The following MYO3A variants were observed in gnomAD, a reference collection of about 807,000 sequenced individuals.
The protein encoded by MYO3A is myosin-IIIa.
MYO3A carries 180 observed loss-of-function variants against 192.7 expected under a neutral mutation model. The ratio of observed to expected loss-of-function variants is 0.93; its 90% CI spans 0.83 to 1.06. The LOEUF (loss-of-function observed/expected upper bound fraction) is 1.06, where lower values mean the gene tolerates loss of function less well. Among genes scored for constraint, MYO3A ranks in the 50% least tolerant of loss-of-function variants. The pLI is 0.00. For missense variants in MYO3A, 1,896 were observed against 1,905.0 expected (o/e 1.00, Z 0.09); for synonymous variants, 628 against 645.3 (o/e 0.97, Z 0.41).
intron 32 of MYO3A, among the ~76,000 whole-genome samples, chr10:26,199,999 TCC>T (rs1843610363): frequency 1.3e-5 from 2 of 152,182 alleles, no homozygotes; most frequent in African/African-American, 4.8e-5. Context: ...TGGCCACTGT[TCC>T]TATGCAGGCA....
chr10:26,208,753 C>T (rs1016870810), intron 34 of MYO3A, among the ~76,000 whole-genome samples: 3 of 152,080 alleles, frequency 2.0e-5, no homozygotes, highest in African/African-American at 7.2e-5. Context: ...TTTTCTTTTC[C>T]TTTTAATTCC....
chr10:26,145,200 C>T (rs1365487492), intron 21 of MYO3A, among the ~76,000 whole-genome samples: 1 of 149,578 alleles, frequency 6.7e-6, no homozygotes, highest in African/African-American at 2.5e-5. Flanking sequence ...AAAAAAAAAC[C>T]CTCAAGGTGA....
intron 10 of MYO3A, among the ~76,000 whole-genome samples, chr10:26,063,658 G>A (rs1834641315): frequency 6.6e-6 from 1 of 152,214 alleles, no homozygotes; most frequent in Admixed American, 6.5e-5. Flanking sequence ...CCTAAAGGAT[G>A]TGTAGAATTG....
chr10:25,949,353 G>T (rs571040160), intron 2 of MYO3A, among the ~76,000 whole-genome samples: 2 of 152,182 alleles, frequency 1.3e-5, no homozygotes, highest in Admixed American at 1.3e-4. Context: ...CTGCTTGAAA[G>T]GCAGTATTCC....
At chr10:26,071,902 C>A (rs56011042) in intron 14 of MYO3A, among the ~76,000 whole-genome samples, 1 of 151,754 alleles carries the variant, frequency 6.6e-6, no homozygotes, top group Non-Finnish European at 1.5e-5. Flanking sequence ...TGTATTACTC[C>A]ATTCTCACAC....
intron 32 of MYO3A, among the ~76,000 whole-genome samples, chr10:26,193,634 G>A (rs949344476): frequency 6.6e-6 from 1 of 152,210 alleles, no homozygotes; most frequent in Non-Finnish European, 1.5e-5. Flanking sequence ...TCTCCAGAGA[G>A]GGGCCCTGGT....
intron 4 of MYO3A, among the ~76,000 whole-genome samples, chr10:25,967,737 A>C (rs1479753914): frequency 2.0e-5 from 3 of 152,234 alleles, no homozygotes; most frequent in Non-Finnish European, 4.4e-5. Flanking sequence ...ATGTTGAAAG[A>C]AATGGAATAT....
intron 17 of MYO3A, among the ~76,000 whole-genome samples, chr10:26,098,151 A>G (rs1277294115): frequency 6.6e-6 from 1 of 152,118 alleles, no homozygotes; most frequent in Admixed American, 6.5e-5. Context: ...TTTGATTTGC[A>G]TTTCTCTGAT....
intron 17 of MYO3A, among the ~76,000 whole-genome samples, chr10:26,109,818 C>T (rs997790386): frequency 6.6e-6 from 1 of 152,190 alleles, no homozygotes; most frequent in Admixed American, 6.5e-5. Context: ...AACATTGCTA[C>T]TCTGTTTCTA....
intron 3 of MYO3A, 96 bp downstream of exon 3, chr10:25,952,374 C>T: frequency 8.0e-7 from 1 of 1,255,754 alleles, no homozygotes. Flanking sequence ...ATCACAATAG[C>T]AGTCTAAAAC....
chr10:25,991,045 G>A (rs941291897), intron 4 of MYO3A, among the ~76,000 whole-genome samples: 1 of 152,130 alleles, frequency 6.6e-6, no homozygotes, highest in Non-Finnish European at 1.5e-5. Flanking sequence ...GGATGGCTGG[G>A]TCAAATGGTA....
At chr10:26,097,162 A>G (rs1318906237) in intron 17 of MYO3A, among the ~76,000 whole-genome samples, 3 of 152,016 alleles carry the variant, frequency 2.0e-5, no homozygotes, top group African/African-American at 7.2e-5. Context: ...TTTCACCCCA[A>G]AAAGAAATAT....
In MYO3A at chr10:26,193,307, T is replaced by C. The variant is rs1589111654; in HGVS notation, c.4541T>C (p.Leu1514Pro). The change falls in exon 32 of 35, where the codon CTT becomes CCT. Residue 1514 changes from leucine (L) to proline (P), a missense_variant. Leu to Pro is a moderately conservative substitution (Grantham distance 98). Transcript: ENST00000642920. ...NPEDSTYYYL[L>P]HKSIQEEKRR... ...GAAGACTCCACATACTATTATCTAC[T>C]TCATGTAAGTGGCTCACTCTTACTA... 4 of 1,608,568 alleles carry C rather than the reference T, an allele frequency of 2.5e-6. No individual in the cohort carries two copies. Among genetic ancestry groups the C allele is most frequent in the Admixed American group, 1.7e-5 (1 of 59,950 alleles).
intron 17 of MYO3A, among the ~76,000 whole-genome samples, chr10:26,109,965 T>C (rs1838058125): frequency 6.6e-6 from 1 of 152,130 alleles, no homozygotes; most frequent in Admixed American, 6.5e-5. Context: ...TTGCAATGAG[T>C]TCCCCCAAAG....
chr10:26,188,520 G>T (rs1186781830), intron 31 of MYO3A, among the ~76,000 whole-genome samples: 5 of 152,066 alleles, frequency 3.3e-5, no homozygotes, highest in Admixed American at 2.0e-4. Flanking sequence ...GTCAATTTTG[G>T]CTTTTGTTGC....
chr10:26,149,265 C>T (rs1190092213), intron 23 of MYO3A, among the ~76,000 whole-genome samples: 2 of 151,762 alleles, frequency 1.3e-5, no homozygotes, highest in East Asian at 3.9e-4. Flanking sequence ...GACAGAGTCT[C>T]ACACTGTTGC....
At chr10:26,068,263 A>G (rs892911782) in intron 11 of MYO3A, among the ~76,000 whole-genome samples, 1 of 152,132 alleles carries the variant, frequency 6.6e-6, no homozygotes, top group African/African-American at 2.4e-5. Flanking sequence ...ATCAAAATCA[A>G]TTCATTTACT....
At chr10:26,117,382 G>A (rs768516684) in intron 17 of MYO3A, among the ~76,000 whole-genome samples, 4 of 152,148 alleles carry the variant, frequency 2.6e-5, no homozygotes, top group Non-Finnish European at 2.9e-5. Flanking sequence ...AGGGAAACGT[G>A]TGTCACGGGG....
At chr10:26,129,364 T>G (rs1839404447) in intron 20 of MYO3A, among the ~76,000 whole-genome samples, 1 of 152,216 alleles carries the variant, frequency 6.6e-6, no homozygotes, top group Admixed American at 6.5e-5. Context: ...TGTTCAGCTC[T>G]TTTTCATCTA....
Sources: gnomAD v4.1 joint callset for allele counts (sites outside exome capture counted in the v4.1 genomes callset) on GRCh38, gnomAD v4.1.1 for gene constraint, MANE v1.5 for transcripts, NCBI Gene and HGNC (gene_info 2026-07-23, HGNC 2026-07-21) for gene names.